Variants in SEMA3D observed in about 807,000 individuals in gnomAD.
The protein encoded by SEMA3D is semaphorin 3D.
In SEMA3D, 84 loss-of-function variants were observed where a neutral mutation model predicts 100.1. The ratio of observed to expected loss-of-function variants is 0.84; its 90% confidence interval spans 0.70 to 1.01. The LOEUF (loss-of-function observed/expected upper bound fraction) is 1.01. SEMA3D is among the 50% of genes least tolerant of loss of function. SEMA3D has a pLI of 0.00. For synonymous variants in SEMA3D, 312 were observed against 320.7 expected (o/e 0.97, Z 0.29); for missense variants, 875 against 934.1 (o/e 0.94, Z 0.82).
chr7:85,071,299 C>G (rs1406023263), intron 6 of SEMA3D, among the ~76,000 whole-genome samples: 2 of 152,088 alleles, frequency 1.3e-5, no homozygotes, highest in Non-Finnish European at 2.9e-5. Context: ...CCTAGTGGCT[C>G]AGAAATTTAA....
At chr7:85,113,299 TA>T (rs1312922598) in intron 3 of SEMA3D, among the ~76,000 whole-genome samples, 1 of 152,102 alleles carries the variant, frequency 6.6e-6, no homozygotes, top group Non-Finnish European at 1.5e-5. Context: ...AAAAATTTGG[TA>T]GTCATAAATA....
intron 2 of SEMA3D, among the ~76,000 whole-genome samples, chr7:85,146,045 T>C (rs924725163): frequency 3.3e-5 from 5 of 152,150 alleles, no homozygotes; most frequent in African/African-American, 4.8e-5. Context: ...TTTTGATCTA[T>C]AGTTGGTTGA....
intron 2 of SEMA3D, among the ~76,000 whole-genome samples, chr7:85,122,543 C>T (rs986812776): frequency 2.0e-5 from 3 of 152,102 alleles, no homozygotes; most frequent in Non-Finnish European, 2.9e-5. Flanking sequence ...TTTGATCAGA[C>T]GAGACCACTT....
chr7:85,072,478 C>CATACT (rs1364129909), intron 6 of SEMA3D, among the ~76,000 whole-genome samples: 1 of 152,054 alleles, frequency 6.6e-6, no homozygotes, highest in African/African-American at 2.4e-5. Context: ...CCAATAGCAA[C>CATACT]ATACTATGTA....
At chr7:85,175,557 A>G (rs1451126431) in intron 1 of SEMA3D, among the ~76,000 whole-genome samples, 1 of 152,162 alleles carries the variant, frequency 6.6e-6, no homozygotes, top group South Asian at 2.1e-4. Context: ...AATGTTATTC[A>G]CCCGTCTGTA....
At chr7:85,144,674 G>A in intron 2 of SEMA3D, 1 of 985,186 alleles carries the variant, frequency 1.0e-6, no homozygotes, top group Non-Finnish European at 1.2e-6. Context: ...AGTCAGCCTG[G>A]AGCCCAAAAT....
intron 6 of SEMA3D, among the ~76,000 whole-genome samples, chr7:85,072,218 A>T (rs578041549): frequency 7.9e-5 from 12 of 152,314 alleles, no homozygotes; most frequent in African/African-American, 2.9e-4. Context: ...TTCACTTATT[A>T]AAGCACTCAT....
At chr7:85,078,460 C>T (rs924425136) in intron 5 of SEMA3D, among the ~76,000 whole-genome samples, 9 of 152,172 alleles carry the variant, frequency 5.9e-5, no homozygotes, top group Non-Finnish European at 1.0e-4. Context: ...TGTGGTTGAG[C>T]TGACAAACAG....
chr7:85,223,538 T>TTGTGTGTG, the SEMA3D span, among the ~76,000 whole-genome samples: 1 of 148,680 alleles, frequency 6.7e-6, no homozygotes, highest in Non-Finnish European at 1.5e-5. Context: ...TATCATATAT[T>TTGTGTGTG]TGTGTGTGTG....
At chr7:85,191,931 A>G (rs1791700446), upstream of SEMA3D, among the ~76,000 whole-genome samples, 1 of 152,146 alleles carries the variant, frequency 6.6e-6, no homozygotes. Flanking sequence ...GTTTCCACAA[A>G]TGGGAGAAAA....
chr7:85,107,237 TA>T (rs1788953907), intron 3 of SEMA3D, among the ~76,000 whole-genome samples: 1 of 152,058 alleles, frequency 6.6e-6, no homozygotes, highest in Non-Finnish European at 1.5e-5. Context: ...GCTTTTCATC[TA>T]AAACAAATAA....
chr7:85,007,675 C>G (rs528294041), intron 17 of SEMA3D, among the ~76,000 whole-genome samples: 7 of 151,804 alleles, frequency 4.6e-5, no homozygotes, highest in South Asian at 2.1e-4. Flanking sequence ...AAGGCTGTGT[C>G]CCTTGTGTGA....
At chr7:85,149,672 T>C (rs540070859) in intron 2 of SEMA3D, among the ~76,000 whole-genome samples, 1 of 152,256 alleles carries the variant, frequency 6.6e-6, no homozygotes, top group East Asian at 1.9e-4. Context: ...TGAGCTTTTA[T>C]AGTAGACTTA....
At chr7:85,068,773 A>G (rs558809883) in intron 6 of SEMA3D, among the ~76,000 whole-genome samples, 4 of 152,264 alleles carry the variant, frequency 2.6e-5, no homozygotes, top group Admixed American at 6.5e-5. Flanking sequence ...AATTATAGTA[A>G]CATAAAAGTG....
At chr7:85,009,641 T>C (rs1374527446) in intron 17 of SEMA3D, among the ~76,000 whole-genome samples, 1 of 151,700 alleles carries the variant, frequency 6.6e-6, no homozygotes, top group African/African-American at 2.4e-5. Context: ...ACCTATAAAG[T>C]AAGAAATAAA....
chr7:85,202,728 AAC>A, the SEMA3D span, among the ~76,000 whole-genome samples: 2 of 152,178 alleles, frequency 1.3e-5, no homozygotes, highest in Non-Finnish European at 2.9e-5. Flanking sequence ...GCAGCCAAAA[AAC>A]ACATGAAAAA....
chr7:85,152,192 T>C (rs1246979644), intron 2 of SEMA3D, among the ~76,000 whole-genome samples: 1 of 152,032 alleles, frequency 6.6e-6, no homozygotes, highest in Non-Finnish European at 1.5e-5. Context: ...TTATTTCAAG[T>C]ACCTGTTAAA....
chr7:85,098,758 A>G (rs1182626509), intron 3 of SEMA3D, among the ~76,000 whole-genome samples: 1 of 151,888 alleles, frequency 6.6e-6, no homozygotes, highest in Admixed American at 6.6e-5. Context: ...AGGAATGATG[A>G]CAAGTATCAA....
At chr7:85,085,337 A>G (rs1788185583) in intron 4 of SEMA3D, among the ~76,000 whole-genome samples, 1 of 152,160 alleles carries the variant, frequency 6.6e-6, no homozygotes, top group Non-Finnish European at 1.5e-5. Context: ...TTCAAATCAT[A>G]GTATTGGGTG....
Sources: gnomAD v4.1 joint callset for allele counts (sites outside exome capture counted in the v4.1 genomes callset) on GRCh38, gnomAD v4.1.1 for gene constraint, MANE v1.5 for transcripts, NCBI Gene and HGNC (gene_info 2026-07-23, HGNC 2026-07-21) for gene names.